The following RBM19 variants were observed in gnomAD, a reference collection of about 807,000 sequenced individuals.
RBM19 encodes the protein RNA binding motif protein 19.
RBM19 carries 94 observed loss-of-function variants against 116.8 expected under a neutral mutation model. That is an observed-to-expected ratio of 0.80 (90% CI 0.68 to 0.95). RBM19 has a LOEUF of 0.95. Ranked by LOEUF, RBM19 falls within the 40% of genes least tolerant of loss-of-function variation. The pLI is 0.00. For missense variants in RBM19, 1,161 were observed against 1,220.7 expected, an observed-to-expected ratio of 0.95 and a Z score of 0.73; for synonymous variants, 475 against 494.1, an observed-to-expected ratio of 0.96 and a Z score of 0.51.
chr12:113,864,180 T>A (rs1878636295), intron 21 of RBM19, among the ~76,000 whole-genome samples: 1 of 152,062 alleles, frequency 6.6e-6, no homozygotes, highest in South Asian at 2.1e-4. Context: ...GCCCCACAGG[T>A]CTATGCTTTG....
At position 113,862,506 on chromosome 12, in the gene RBM19, AGATAAGC is replaced by A. The variant is rs1878480259; in HGVS notation, c.2559-3617_2559-3611del. Among the ~76,000 whole-genome samples, 4 of 152,224 alleles carry A rather than the reference AGATAAGC, an allele frequency of 2.6e-5. 1 individual carries two copies. In the South Asian group the frequency reaches 8.3e-4, roughly 31 times the overall value. ...CGATGAAGTACCTTTAGCTCCTTGGAGATAAGCGATATATAAATACCAGCCATTATTA... is the reference window on the plus strand; with the variant it reads ...CGATGAAGTACCTTTAGCTCCTTGGAGATATATAAATACCAGCCATTATTA... On this transcript the variant is annotated intron_variant, in intron 21 of 23. Transcript: ENST00000261741.
At chr12:113,953,216 C>T (rs1056135480) in intron 7 of RBM19, among the ~76,000 whole-genome samples, 1 of 152,204 alleles carries the variant, frequency 6.6e-6, no homozygotes, top group Non-Finnish European at 1.5e-5. Context: ...TGGCCAGGTG[C>T]GGTGGCTCAC....
At chr12:113,893,489 G>C (rs1035801990) in intron 21 of RBM19, among the ~76,000 whole-genome samples, 1 of 152,090 alleles carries the variant, frequency 6.6e-6, no homozygotes. Flanking sequence ...ATTTCTCCTC[G>C]CAGTAACATT....
intron 21 of RBM19, among the ~76,000 whole-genome samples, chr12:113,865,585 T>C (rs1039516086): frequency 6.6e-6 from 1 of 152,238 alleles, no homozygotes; most frequent in East Asian, 1.9e-4. Flanking sequence ...TCATCATCTA[T>C]TGACATCTCC....
chr12:113,907,384 C>G (rs182283090), intron 21 of RBM19, among the ~76,000 whole-genome samples: 1 of 152,312 alleles, frequency 6.6e-6, no homozygotes, highest in East Asian at 1.9e-4. Flanking sequence ...CAGAGAGAGG[C>G]TCCATCAACG....
At chr12:113,877,395 G>A (rs925692014) in intron 21 of RBM19, among the ~76,000 whole-genome samples, 1 of 152,218 alleles carries the variant, frequency 6.6e-6, no homozygotes, top group African/African-American at 2.4e-5. Flanking sequence ...TGGAGTTAGG[G>A]GGAGCCCTGT....
chr12:113,854,828 C>T (rs1364914879), intron 22 of RBM19, among the ~76,000 whole-genome samples: 1 of 152,224 alleles, frequency 6.6e-6, no homozygotes, highest in East Asian at 1.9e-4. Flanking sequence ...CTCAGCGAGA[C>T]TGGGGAGGGA....
chr12:113,959,333 C>T lies in RBM19; in HGVS notation c.450G>A (p.Ala150=), dbSNP rs749329434. The change falls in exon 5 of 24, where the codon GCG becomes GCA. Residue 150 remains alanine, a synonymous_variant. Coordinates refer to ENST00000261741, the MANE Select transcript of RBM19 (RefSeq NM_016196.4). ...AGGGCTCAGCATCCAGGCCATCATT[C>T]GCCCAAGTGGCTGCCTGCGCCCGCC... is the stretch of plus-strand genomic sequence containing the variant. ...HQRRAQAATW[A]NDGLDAEPSK... The T allele has an allele frequency of 1.8e-5, 29 of 1,613,780 alleles. 1 individual carries two copies. Among genetic ancestry groups the T allele is most frequent in the Admixed American group, 6.7e-5 (4 of 60,000 alleles).
At chr12:113,856,338 G>A (rs1209771780) in intron 22 of RBM19, among the ~76,000 whole-genome samples, 3 of 152,216 alleles carry the variant, frequency 2.0e-5, no homozygotes, top group Non-Finnish European at 4.4e-5. Flanking sequence ...CTTCCTCAAT[G>A]GCACTCACTG....
Position 113,942,423 on chromosome 12 carries a change from G to A in RBM19, c.1638C>T (p.Gly546=), listed in dbSNP as rs756543699. Residue 546 remains glycine, a synonymous_variant, in exon 14 of 24, where the codon GGC becomes GGT. Coordinates refer to ENST00000261741, the MANE Select transcript of RBM19 (RefSeq NM_016196.4). Reference sequence around the variant, plus strand: ...CCAGAGCCACGCGCACGGCCACGCTGCCCTTGGTCTCCTGTGGAAGAGGAA... The same window carrying A: ...CCAGAGCCACGCGCACGGCCACGCTACCCTTGGTCTCCTGTGGAAGAGGAA... ...KSQVFDHETK[G]SVAVRVALGE... 3.7e-6 allele frequency: 6 copies of A among 1,606,262 alleles called. No individual in the cohort carries two copies. The highest frequency in any genetic ancestry group is 2.7e-5 in the African/African-American group (2 of 74,844).
chr12:113,881,305 G>A (rs1004992560), intron 21 of RBM19, among the ~76,000 whole-genome samples: 5 of 152,180 alleles, frequency 3.3e-5, no homozygotes, highest in Non-Finnish European at 5.9e-5. Context: ...ACGATCTGTC[G>A]TGGGAAGGGA....
chr12:113,905,766 C>T (rs953018333), intron 21 of RBM19, among the ~76,000 whole-genome samples: 1 of 152,090 alleles, frequency 6.6e-6, no homozygotes, highest in Admixed American at 6.6e-5. Flanking sequence ...AAAAATCATA[C>T]AAGCCAGTTT....
At chr12:113,881,688 C>T (rs545714803) in intron 21 of RBM19, among the ~76,000 whole-genome samples, 2 of 152,318 alleles carry the variant, frequency 1.3e-5, no homozygotes, top group Admixed American at 6.5e-5. Flanking sequence ...GAAGGCAAAA[C>T]GCTGCCATCT....
chr12:113,829,246 G>C lies in RBM19; in HGVS notation c.2786-5925C>G, dbSNP rs142647715. 1.2e-3 allele frequency among the ~76,000 whole-genome samples: 189 copies of C among 152,364 alleles called. 5 individuals carry two copies. In the East Asian group the frequency reaches 0.016, roughly 13 times the overall value. ...TCCACCCGCCTTGGCCTCCTAACGT[G>C]CTGGGATTATAGGCATGAGCCACTA... On this transcript the variant is annotated intron_variant, in intron 23 of 23. Coordinates refer to ENST00000261741, the MANE Select transcript of RBM19 (RefSeq NM_016196.4).
chr12:113,884,214 T>C (rs1460790956), intron 21 of RBM19, among the ~76,000 whole-genome samples: 1 of 151,000 alleles, frequency 6.6e-6, no homozygotes, highest in Non-Finnish European at 1.5e-5. Flanking sequence ...AGCTAGGAGT[T>C]TGTAGCTGCA....
At chr12:113,865,136 A>G (rs1444257641) in intron 21 of RBM19, among the ~76,000 whole-genome samples, 1 of 152,152 alleles carries the variant, frequency 6.6e-6, no homozygotes, top group Non-Finnish European at 1.5e-5. Flanking sequence ...TTGCTCTCCA[A>G]TCTTATCTCA....
At chr12:113,877,272 AG>A (rs1483489697) in intron 21 of RBM19, among the ~76,000 whole-genome samples, 2 of 152,198 alleles carry the variant, frequency 1.3e-5, no homozygotes, top group Non-Finnish European at 2.9e-5. Flanking sequence ...GTGCTGTCCC[AG>A]GAACTTTTAC....
chr12:113,902,410 G>A (rs775247205), intron 21 of RBM19, among the ~76,000 whole-genome samples: 3 of 151,992 alleles, frequency 2.0e-5, no homozygotes, highest in Non-Finnish European at 4.4e-5. Flanking sequence ...ACCAGCCTGG[G>A]CAACATAGCA....
intron 16 of RBM19, among the ~76,000 whole-genome samples, chr12:113,933,663 C>T (rs553512218): frequency 8.7e-4 from 132 of 152,194 alleles, no homozygotes; most frequent in Non-Finnish European, 1.5e-3. Context: ...CAGGGGGACC[C>T]GCGGGCAGGG....
Sources: gnomAD v4.1 joint callset for allele counts (sites outside exome capture counted in the v4.1 genomes callset) on GRCh38, gnomAD v4.1.1 for gene constraint, MANE v1.5 for transcripts, NCBI Gene and HGNC (gene_info 2026-07-23, HGNC 2026-07-21) for gene names.